ADGRF5: variants seen among roughly 807,000 people sequenced by gnomAD.
ADGRF5 encodes the protein G-protein coupled receptor 116.
In ADGRF5, 75 loss-of-function variants were observed where a neutral mutation model predicts 132.3. The ratio of observed to expected loss-of-function variants is 0.57; its 90% CI spans 0.47 to 0.69. ADGRF5 has a LOEUF of 0.69. Among genes scored for constraint, ADGRF5 ranks in the 30% least tolerant of loss-of-function variants. The probability of loss-of-function intolerance (pLI) is 0.00; values close to 1 mark genes in which losing one functional copy is unlikely to be tolerated. For synonymous variants in ADGRF5, 629 were observed against 597.6 expected, an observed-to-expected ratio of 1.05 and a Z score of -0.77; for missense variants, 1,516 against 1,630.6, an observed-to-expected ratio of 0.93 and a Z score of 1.21.
chr6:46,944,871 T>C (rs1303598543), intron 1 of ADGRF5, among the ~76,000 whole-genome samples: 2 of 152,174 alleles, frequency 1.3e-5, no homozygotes, highest in Non-Finnish European at 2.9e-5. Context: ...CCCTGTCTTA[T>C]GAACTTCTGG....
chr6:46,866,188 T>C (rs868736174), intron 13 of ADGRF5, among the ~76,000 whole-genome samples: 64 of 152,322 alleles, frequency 4.2e-4, no homozygotes, highest in South Asian at 8.3e-4. Flanking sequence ...AAAGGAAATA[T>C]AAATTCAAAG....
At chr6:46,951,343 T>C (rs1778493123) in intron 1 of ADGRF5, among the ~76,000 whole-genome samples, 1 of 152,182 alleles carries the variant, frequency 6.6e-6, no homozygotes, top group Non-Finnish European at 1.5e-5. Context: ...AAGACAGAAA[T>C]AGCTGTCCCT....
At chr6:46,878,499 A>G in intron 9 of ADGRF5, 94 bp from the exon 10 acceptor site, 1 of 747,004 alleles carries the variant, frequency 1.3e-6, no homozygotes, top group Non-Finnish European at 2.2e-6. Flanking sequence ...ACAGTACTTC[A>G]TGAAGTATCA....
At chr6:46,912,405 G>A (rs2150909154) in intron 1 of ADGRF5, among the ~76,000 whole-genome samples, 1 of 152,280 alleles carries the variant, frequency 6.6e-6, no homozygotes, top group African/African-American at 2.4e-5. Flanking sequence ...AAAAGGCCCT[G>A]AGGTGAAGAA....
intron 13 of ADGRF5, among the ~76,000 whole-genome samples, chr6:46,866,005 AT>A (rs67425115): frequency 0.95 from 145,120 of 152,150 alleles, 69,249 homozygotes; most frequent in East Asian, 1. Flanking sequence ...GTGTTTTGAG[AT>A]TTTTGGGTTG....
intron 1 of ADGRF5, among the ~76,000 whole-genome samples, chr6:46,950,396 G>A (rs1778453583): frequency 6.6e-6 from 1 of 152,148 alleles, no homozygotes; most frequent in African/African-American, 2.4e-5. Flanking sequence ...TGCTCAAGAT[G>A]TACTTCTTAC....
In ADGRF5 at chr6:46,884,164, G is replaced by A. The variant is rs1300805370; in HGVS notation, c.436C>T (p.Leu146Phe). Residue 146 changes from leucine to phenylalanine, a missense_variant, in exon 5 of 21, where the codon CTC (leucine) becomes TTC (phenylalanine). By Grantham distance (22) the Leu-to-Phe change is conservative (BLOSUM62 0). Around this residue, in one of 2 missense-constraint regions of ADGRF5, gnomAD observed 945 missense variants for 929.4 expected, o/e 1.02. Coordinates refer to ENST00000283296, the MANE Select transcript of ADGRF5 (RefSeq NM_001098518.2). ...NLICQERDVFLPGHHCSCLKE... is the reference protein window; with the variant it reads ...NLICQERDVFFPGHHCSCLKE... ...AGGCAACTGCAATGGTGCCCTGGGA[G>A]GAAGACGTCACGCTCTTGACAAATG... 8.7e-6 allele frequency: 14 copies of A among 1,613,986 alleles called. No homozygotes were observed. Among genetic ancestry groups the A allele is most frequent in the African/African-American group, 1.3e-5 (1 of 74,934 alleles).
chr6:46,885,245 A>G (rs1772946563), intron 4 of ADGRF5, among the ~76,000 whole-genome samples: 1 of 151,974 alleles, frequency 6.6e-6, no homozygotes, highest in South Asian at 2.1e-4. Flanking sequence ...AGAAAGAAAA[A>G]ACAGAATTTT....
intron 3 of ADGRF5, among the ~76,000 whole-genome samples, chr6:46,889,718 A>G (rs1240177385): frequency 6.8e-6 from 1 of 148,012 alleles, no homozygotes; most frequent in African/African-American, 2.5e-5. Flanking sequence ...GTCTATATAT[A>G]TAGTCTGTAC....
intron 4 of ADGRF5, chr6:46,886,743 G>A (rs1412700724): frequency 6.6e-6 from 1 of 152,220 alleles, no homozygotes; most frequent in African/African-American, 2.4e-5. Context: ...GCCATGGTCA[G>A]TAGGCCTAAC....
rs1421981757 is a variant in ADGRF5, at chr6:46,858,708, G to A, written c.3195C>T (p.Asn1065=). 6.2e-7 allele frequency: 1 copy of A among 1,614,166 alleles called. No individual in the cohort carries two copies. Among genetic ancestry groups the A allele is most frequent in the Non-Finnish European group, 8.5e-7 (1 of 1,180,030 alleles). ...TGGCAGCGACCACAATGAACCAGGT[G>A]TTGGCGACCAGAAGGGAGGCAGCGA... ...VNIAASLLVA[N]TWFIVVAAIQ... is the part of the protein sequence containing the mutation. The change falls in exon 17 of 21, where the codon AAC becomes AAT. Residue 1065 remains asparagine (N), a synonymous_variant. Transcript: ENST00000283296.
chr6:46,883,056 A>C (rs558032189), intron 6 of ADGRF5, among the ~76,000 whole-genome samples: 4 of 152,370 alleles, frequency 2.6e-5, no homozygotes, highest in African/African-American at 9.6e-5. Context: ...CACTCAAGAC[A>C]GGGCTGACAA....
At chr6:46,914,131 T>C (rs1035765474) in intron 1 of ADGRF5, among the ~76,000 whole-genome samples, 3 of 152,218 alleles carry the variant, frequency 2.0e-5, no homozygotes, top group African/African-American at 7.2e-5. Context: ...CAATGCCAAC[T>C]TTCAGGAGGA....
rs575568619 is a variant in ADGRF5, at chr6:46,879,488, T to A, written c.1036+330A>T. Among the ~76,000 whole-genome samples the A allele has an allele frequency of 2.6e-5, 4 of 152,086 alleles. No individual in the cohort carries two copies. The South Asian group carries it at 8.3e-4, about 32-fold the overall frequency. ...GACAATTCCCCAGACCCTCTCTCCC[T>A]CTCCTGCTGCCATGCAAGACATGCC... On this transcript the variant is annotated intron_variant, in intron 9 of 20. Transcript: ENST00000283296.
In ADGRF5 at chr6:46,919,657, G is replaced by A. The variant is rs189350993; in HGVS notation, c.-25+2056C>T. On this transcript the variant is annotated intron_variant, in intron 1 of 20. Coordinates refer to ENST00000283296, the MANE Select transcript of ADGRF5 (RefSeq NM_001098518.2). ...CAGGGCCTCAGTGGAGGTCTCTCAT[G>A]TGGCTAACACTGTGCACTTGGAAGA... Among the ~76,000 whole-genome samples the A allele has an allele frequency of 2.3e-4, 35 of 152,298 alleles. No homozygotes were observed. The East Asian group carries it at 5.8e-3, about 25-fold the overall frequency.
chr6:46,871,341 G>T (rs988669894), intron 11 of ADGRF5, among the ~76,000 whole-genome samples: 4 of 152,078 alleles, frequency 2.6e-5, no homozygotes, highest in African/African-American at 4.8e-5. Flanking sequence ...TAACCAGAAA[G>T]AATCAGATTA....
At chr6:46,940,216 C>T (rs1175951576) in intron 1 of ADGRF5, among the ~76,000 whole-genome samples, 1 of 152,172 alleles carries the variant, frequency 6.6e-6, no homozygotes, top group African/African-American at 2.4e-5. Flanking sequence ...GGGTGCAACT[C>T]TTGATTCATC....
At chr6:46,900,308 A>T (rs1428529336) in intron 2 of ADGRF5, among the ~76,000 whole-genome samples, 2 of 152,092 alleles carry the variant, frequency 1.3e-5, no homozygotes, top group Admixed American at 1.3e-4. Flanking sequence ...TTTTTAGACC[A>T]GCCTCTAGAC....
intron 1 of ADGRF5, among the ~76,000 whole-genome samples, chr6:46,954,430 G>T (rs1277190345): frequency 7.6e-6 from 1 of 132,356 alleles, no homozygotes; most frequent in African/African-American, 2.9e-5. Flanking sequence ...CCCTTATGCA[G>T]AAGCCAAAAA....
Sources: allele counts gnomAD v4.1 joint callset (sites outside exome capture counted in the v4.1 genomes callset), GRCh38; gene constraint gnomAD v4.1.1; regional missense constraint gnomAD v4.1.1; transcripts MANE v1.5; gene names NCBI Gene and HGNC (gene_info 2026-07-23, HGNC 2026-07-21).